The following POPDC2 variants were observed in gnomAD, a reference collection of about 807,000 sequenced individuals.
POPDC2 encodes popeye domain-containing protein 2.
A neutral mutation model predicts 30.5 loss-of-function variants in POPDC2; 24 were observed. The observed-to-expected ratio is 0.79, with a 90% CI of 0.57 to 1.11. POPDC2 has a LOEUF of 1.11. Among genes scored for constraint, POPDC2 ranks in the 50% least tolerant of loss-of-function variants. The pLI, the probability that POPDC2 is intolerant of heterozygous loss-of-function variation, is 0.00. For synonymous variants in POPDC2, 185 were observed against 183.3 expected, an observed-to-expected ratio of 1.01 and a Z score of -0.07; for missense variants, 409 against 447.0, an observed-to-expected ratio of 0.91 and a Z score of 0.77.
intron 2 of POPDC2, among the ~76,000 whole-genome samples, chr3:119,653,503 A>T (rs1240442716): frequency 1.4e-5 from 2 of 146,674 alleles, no homozygotes; most frequent in Non-Finnish European, 3.0e-5. Flanking sequence ...TTTGAGACGG[A>T]GTCTCACTCT....
intron 2 of POPDC2, among the ~76,000 whole-genome samples, chr3:119,653,102 G>A (rs2052834332): frequency 6.6e-6 from 1 of 152,200 alleles, no homozygotes; most frequent in Admixed American, 6.5e-5. Flanking sequence ...CTCTTCTGGT[G>A]ACCTTCCCAT....
intron 3 of POPDC2, among the ~76,000 whole-genome samples, chr3:119,646,857 C>T (rs1272990805): frequency 2.0e-5 from 3 of 152,060 alleles, no homozygotes; most frequent in African/African-American, 4.8e-5. Flanking sequence ...AAGGAGCATG[C>T]GTGGATGCAG....
At position 119,660,334 on chromosome 3, in the gene POPDC2, G is replaced by A; in HGVS notation, c.90C>T (p.Tyr30=). The change falls in exon 1 of 4, where the codon TAC becomes TAT. Residue 30 remains tyrosine (Y), a synonymous_variant. Coordinates refer to ENST00000493094, the MANE Select transcript of POPDC2 (RefSeq NM_001369919.2). ...GGAGTAAGAGGCAGTTGGCTAGGTG[G>A]TAGACAGCCCCTTCCACATCCTGCT... The part of the protein sequence containing the change: ...RWKQDVEGAV[Y]HLANCLLLLG... 2 of 1,614,134 alleles carry A rather than the reference G, an allele frequency of 1.2e-6. No individual in the cohort carries two copies. The highest frequency in any genetic ancestry group is 1.7e-6 in the Non-Finnish European group (2 of 1,180,000).
chr3:119,660,028 G>A lies in POPDC2; in HGVS notation c.396C>T (p.Cys132=). The A allele has an allele frequency of 1.9e-6, 3 of 1,614,222 alleles. No homozygotes were observed. Among genetic ancestry groups the A allele is most frequent in the Middle Eastern group, 1.6e-4 (1 of 6,062 alleles). Residue 132 remains cysteine (C), a synonymous_variant, in exon 1 of 4, where the codon TGC becomes TGT. Transcript: ENST00000493094. ...PLQTYKEIVH[C]CEEQVLTLAT... ...CCAGAGTTAAGACCTGCTCCTCGCAGCAGTGAACAATCTCCTTGTATGTCT... is the reference window on the plus strand; with the variant it reads ...CCAGAGTTAAGACCTGCTCCTCGCAACAGTGAACAATCTCCTTGTATGTCT...
intron 1 of POPDC2, among the ~76,000 whole-genome samples, chr3:119,659,469 C>T (rs560385743): frequency 6.6e-6 from 1 of 152,320 alleles, no homozygotes; most frequent in African/African-American, 2.4e-5. Flanking sequence ...ATCCCGACCT[C>T]CCATTTCTGG....
chr3:119,659,976 C>A lies in POPDC2; in HGVS notation c.448G>T (p.Gly150Cys). 1 of 1,605,330 alleles carries A rather than the reference C, an allele frequency of 6.2e-7. No homozygotes were observed. The highest frequency in any genetic ancestry group is 8.5e-7 in the Non-Finnish European group (1 of 1,172,908). The stretch of plus-strand genomic sequence containing the variant: ...GACAGGCGGTTGATGGGTGTCTCAC[C>A]CTCCACAGCATAGGTCTGTTCAGTG... ...LATEQTYAVE[G>C]ETPINRLSLL... The change falls in exon 1 of 4, where the codon GGT becomes TGT. Residue 150 changes from glycine (G) to cysteine (C), a missense_variant. By Grantham distance (159) the Gly-to-Cys change is radical (BLOSUM62 -3). Transcript: ENST00000493094.
intron 2 of POPDC2, 94 bp downstream of exon 2, chr3:119,654,411 A>T (rs554215301): frequency 1.2e-6 from 1 of 852,708 alleles, no homozygotes; most frequent in Admixed American, 1.9e-5. Flanking sequence ...AGGGGTGCGA[A>T]GGACAGATGT....
upstream of POPDC2, chr3:119,660,642 CT>C (rs2107827030): frequency 1.2e-5 from 4 of 339,202 alleles, no homozygotes; most frequent in African/African-American, 5.6e-5. Flanking sequence ...CTCTCTCTCT[CT>C]CTCTCCCCCT....
At chr3:119,651,473 G>C (rs140197056) in intron 2 of POPDC2, among the ~76,000 whole-genome samples, 1,958 of 152,124 alleles carry the variant, frequency 0.013, 22 homozygotes, top group Middle Eastern at 0.037. Flanking sequence ...TTGCATGAGG[G>C]GAGGGACCTT....
Position 119,642,167 on chromosome 3 carries a change from T to A in POPDC2, c.*438A>T. ...CAACAACCCTGTGAGGTGGGTTTCA[T>A]AACCCCCACTGTTTACCGATGAGGC... is the stretch of plus-strand genomic sequence containing the variant. On this transcript the variant is annotated 3_prime_UTR_variant, in exon 4 of 4. Transcript: ENST00000493094. The A allele has an allele frequency of 4.8e-6, 1 of 209,014 alleles. No individual in the cohort carries two copies. Among genetic ancestry groups the A allele is most frequent in the South Asian group, 1.1e-4 (1 of 8,744 alleles). 12.9% of individuals were successfully genotyped at this position (209,014 alleles called of 1,614,324 possible). A position where few individuals can be genotyped will look rare whatever the true frequency, so the allele number is the denominator to read the frequency against.
At chr3:119,646,937 C>T (rs558800183) in intron 3 of POPDC2, among the ~76,000 whole-genome samples, 4 of 152,214 alleles carry the variant, frequency 2.6e-5, no homozygotes, top group East Asian at 3.9e-4. Context: ...ATGCACACTT[C>T]GGGGAACTCA....
intron 2 of POPDC2, among the ~76,000 whole-genome samples, chr3:119,653,643 A>G (rs1560098231): frequency 2.0e-5 from 3 of 152,088 alleles, no homozygotes; most frequent in East Asian, 1.9e-4. Flanking sequence ...ATGCCCGGCT[A>G]ATTTTTTGTA....
At chr3:119,658,002 A>G (rs562761946) in intron 1 of POPDC2, among the ~76,000 whole-genome samples, 1 of 152,324 alleles carries the variant, frequency 6.6e-6, no homozygotes, top group Admixed American at 6.5e-5. Context: ...TTCCTTTATT[A>G]AAACAAAACA....
chr3:119,655,325 T>A (rs1428486295), intron 1 of POPDC2, among the ~76,000 whole-genome samples: 3 of 152,068 alleles, frequency 2.0e-5, no homozygotes, highest in Non-Finnish European at 4.4e-5. Flanking sequence ...AGATTCTGTC[T>A]CAAAAAAAGA....
chr3:119,656,538 T>C (rs1377065225), intron 1 of POPDC2, among the ~76,000 whole-genome samples: 1 of 152,064 alleles, frequency 6.6e-6, no homozygotes, highest in African/African-American at 2.4e-5. Flanking sequence ...CCCTGCAGGG[T>C]AAAAAGACTG....
At chr3:119,651,645 C>T (rs533477326) in intron 2 of POPDC2, among the ~76,000 whole-genome samples, 2 of 151,928 alleles carry the variant, frequency 1.3e-5, no homozygotes, top group South Asian at 2.1e-4. Context: ...CCCACCCCAC[C>T]GCCCCCCTGA....
chr3:119,657,620 G>A (rs941316402), intron 1 of POPDC2, among the ~76,000 whole-genome samples: 5 of 152,248 alleles, frequency 3.3e-5, no homozygotes, highest in African/African-American at 1.2e-4. Context: ...GACAGCAGAA[G>A]AGAATGGCGC....
At chr3:119,648,007 C>T in intron 3 of POPDC2, 112 bp downstream of exon 3, 1 of 892,786 alleles carries the variant, frequency 1.1e-6, no homozygotes, top group Non-Finnish European at 1.6e-6. Context: ...ATGCCACTTT[C>T]TGTGAGTCCT....
Position 119,660,534 on chromosome 3 carries a change from T to A in POPDC2, c.-111A>T. On this transcript the variant is annotated 5_prime_UTR_variant, in exon 1 of 4. Transcript: ENST00000493094. ...GGTCTTCTCACCTCCGGCTTCTCAC[T>A]ACCGACTCCACCTTTCCTAGAAGGA... The A allele has an allele frequency of 8.0e-7, 1 of 1,244,514 alleles. No homozygotes were observed. The highest frequency in any genetic ancestry group is 1.1e-6 in the Non-Finnish European group (1 of 919,446). The allele number at this position is 1,244,514 out of a possible 1,614,324, so 77.1% of individuals were successfully genotyped here. A position where few individuals can be genotyped will look rare whatever the true frequency, so the allele number is the denominator to read the frequency against.
Sources: gnomAD v4.1 joint callset for allele counts (sites outside exome capture counted in the v4.1 genomes callset) on GRCh38, gnomAD v4.1.1 for gene constraint, MANE v1.5 for transcripts, NCBI Gene and HGNC (gene_info 2026-07-23, HGNC 2026-07-21) for gene names.